The following RYR2 variants were observed in gnomAD, a reference collection of about 807,000 sequenced individuals.
RYR2 encodes the protein ryanodine receptor 2.
RYR2 carries 227 observed loss-of-function variants against 601.1 expected under a neutral mutation model. The observed-to-expected ratio is 0.38, with a 90% CI of 0.34 to 0.42. RYR2 has a LOEUF of 0.42. Among genes scored for constraint, RYR2 ranks in the 10% least tolerant of loss-of-function variants. RYR2 has a pLI of 1.00. For synonymous variants in RYR2, 2,223 were observed against 2,175.1 expected, an observed-to-expected ratio of 1.02 and a Z score of -0.61; for missense variants, 4,646 against 6,156.5, an observed-to-expected ratio of 0.75 and a Z score of 8.21.
chr1:237,733,205 C>T (rs1039938518), intron 78 of RYR2, among the ~76,000 whole-genome samples: 2 of 152,256 alleles, frequency 1.3e-5, no homozygotes, highest in African/African-American at 2.4e-5. Context: ...CTTTTCTTCA[C>T]GTAGTCATGG....
intron 2 of RYR2, among the ~76,000 whole-genome samples, chr1:237,271,542 C>T (rs1321238117): frequency 6.6e-6 from 1 of 152,106 alleles, no homozygotes; most frequent in African/African-American, 2.4e-5. Flanking sequence ...GAACTATTCA[C>T]TTTGAGACAG....
chr1:237,497,477 G>A (rs1664196706), intron 20 of RYR2, among the ~76,000 whole-genome samples: 1 of 152,134 alleles, frequency 6.6e-6, no homozygotes, highest in Non-Finnish European at 1.5e-5. Context: ...AGATTTTTTA[G>A]ATGTTAAAAT....
chr1:237,621,602 G>T (rs948167279), intron 38 of RYR2, among the ~76,000 whole-genome samples: 8 of 152,088 alleles, frequency 5.3e-5, no homozygotes, highest in African/African-American at 1.9e-4. Flanking sequence ...GTGATAACAT[G>T]GGATTTTTTT....
intron 12 of RYR2, among the ~76,000 whole-genome samples, chr1:237,432,249 T>C (rs1486368192): frequency 6.6e-6 from 1 of 152,106 alleles, no homozygotes; most frequent in Non-Finnish European, 1.5e-5. Context: ...TCGAGTGTAC[T>C]TCAGATTATT....
chr1:237,272,060 G>A (rs1358091455), intron 2 of RYR2, among the ~76,000 whole-genome samples: 3 of 152,070 alleles, frequency 2.0e-5, no homozygotes, highest in African/African-American at 7.2e-5. Context: ...AACCCAGGAA[G>A]CGAAGATTGC....
chr1:237,607,848 T>C (rs866088772), intron 35 of RYR2, among the ~76,000 whole-genome samples: 3 of 152,212 alleles, frequency 2.0e-5, no homozygotes, highest in Non-Finnish European at 4.4e-5. Context: ...TGGACATCTT[T>C]CTTAAATTAT....
At chr1:237,516,490 T>G (rs964648174) in intron 24 of RYR2, among the ~76,000 whole-genome samples, 1 of 152,100 alleles carries the variant, frequency 6.6e-6, no homozygotes, top group African/African-American at 2.4e-5. Context: ...GTGTGCAAGC[T>G]CTCTGAAGGT....
At chr1:237,345,705 T>C (rs1698245413) in intron 3 of RYR2, among the ~76,000 whole-genome samples, 1 of 152,134 alleles carries the variant, frequency 6.6e-6, no homozygotes, top group African/African-American at 2.4e-5. Flanking sequence ...TTTAAACTAA[T>C]ACACATTCCT....
At chr1:237,088,700 C>T (rs1041498429) in intron 1 of RYR2, among the ~76,000 whole-genome samples, 7 of 152,054 alleles carry the variant, frequency 4.6e-5, no homozygotes, top group Admixed American at 2.0e-4. Flanking sequence ...AGAAAATATT[C>T]GAGGGGTAAT....
intron 1 of RYR2, among the ~76,000 whole-genome samples, chr1:237,124,601 A>G (rs1019427089): frequency 1.3e-5 from 2 of 152,152 alleles, no homozygotes; most frequent in African/African-American, 2.4e-5. Flanking sequence ...GGGGCCAGCT[A>G]TGGAGGTCAT....
intron 2 of RYR2, among the ~76,000 whole-genome samples, chr1:237,296,071 T>C (rs910873596): frequency 6.6e-6 from 1 of 152,162 alleles, no homozygotes; most frequent in Non-Finnish European, 1.5e-5. Context: ...GAACCAGTCA[T>C]TGGATGCTTA....
At chr1:237,755,116 T>C in intron 80 of RYR2, 1 of 1,287,600 alleles carries the variant, frequency 7.8e-7, no homozygotes, top group Non-Finnish European at 1.0e-6. Flanking sequence ...GAGAACTCTC[T>C]GGTAACAGCA....
At chr1:237,376,822 G>A (rs1471354577) in intron 7 of RYR2, among the ~76,000 whole-genome samples, 3 of 152,152 alleles carry the variant, frequency 2.0e-5, no homozygotes, top group African/African-American at 7.2e-5. Context: ...AAGGGGACAG[G>A]ATAGTACAAT....
chr1:237,829,505 G>C (rs1487284173), intron 102 of RYR2, among the ~76,000 whole-genome samples: 1 of 152,168 alleles, frequency 6.6e-6, no homozygotes, highest in Non-Finnish European at 1.5e-5. Flanking sequence ...ATAGTTAGCT[G>C]ACCTAGGGAA....
At chr1:237,812,897 T>G (rs4659500) in intron 100 of RYR2, among the ~76,000 whole-genome samples, 27 of 23,476 alleles carry the variant, frequency 1.2e-3, no homozygotes, top group African/African-American at 5.4e-3. Context: ...TGTATAAGTT[T>G]TTTTTTTTTT....
At chr1:237,130,253 GA>G (rs1438925384) in intron 1 of RYR2, among the ~76,000 whole-genome samples, 2 of 152,098 alleles carry the variant, frequency 1.3e-5, no homozygotes, top group Admixed American at 1.3e-4. Context: ...AAAACTGGGG[GA>G]AGAGTAAAAA....
chr1:237,151,413 C>T (rs1674694783), intron 1 of RYR2, among the ~76,000 whole-genome samples: 1 of 152,172 alleles, frequency 6.6e-6, no homozygotes, highest in Admixed American at 6.5e-5. Context: ...AGACACCCCT[C>T]AACATGTTCT....
intron 1 of RYR2, among the ~76,000 whole-genome samples, chr1:237,151,758 ATGG>A (rs767652104): frequency 1.2e-4 from 18 of 152,332 alleles, no homozygotes; most frequent in African/African-American, 4.1e-4. Flanking sequence ...CCTTTAGGAA[ATGG>A]TGGTGGGCCA....
chr1:237,633,698 A>C lies in RYR2; in HGVS notation c.6676A>C (p.Ser2226Arg). 3.1e-6 allele frequency: 5 copies of C among 1,612,504 alleles called. No individual in the cohort carries two copies. The highest frequency in any genetic ancestry group is 4.2e-6 in the Non-Finnish European group (5 of 1,178,772). The change falls in exon 43 of 105, where the codon AGT (serine) becomes CGT (arginine). Residue 2226 changes from serine to arginine, a missense_variant. Physicochemically the swap from Ser to Arg is moderately radical, Grantham distance 110. This residue lies in a region of RYR2 where 137 missense variants were observed against 273.6 expected (regional missense o/e 0.50). Coordinates refer to ENST00000366574, the MANE Select transcript of RYR2 (RefSeq NM_001035.3). ...DHLSYLLENS[S>R]VGLASPAMRG... Reference sequence around the variant, plus strand: ...TCTCAGTTATTTACTGGAAAACAGCAGTGTTGGTCTTGGTAAGTAAATGAC... The same window carrying C: ...TCTCAGTTATTTACTGGAAAACAGCCGTGTTGGTCTTGGTAAGTAAATGAC...
Sources: gnomAD v4.1 joint callset for allele counts (sites outside exome capture counted in the v4.1 genomes callset) on GRCh38, gnomAD v4.1.1 for gene constraint, gnomAD v4.1.1 regional missense constraint, MANE v1.5 for transcripts, NCBI Gene and HGNC (gene_info 2026-07-23, HGNC 2026-07-21) for gene names.